ACER2: variants seen among roughly 807,000 people sequenced by gnomAD.
ACER2 encodes the protein alkaline ceramidase 2.
A neutral mutation model predicts 34.7 loss-of-function variants in ACER2; 26 were observed. That is an observed-to-expected ratio of 0.75 (90% CI 0.55 to 1.04). The LOEUF (loss-of-function observed/expected upper bound fraction) is 1.04, where lower values mean the gene tolerates loss of function less well. Among genes scored for constraint, ACER2 ranks in the 50% least tolerant of loss-of-function variants. The probability of loss-of-function intolerance (pLI) is 0.00; values close to 1 mark genes in which losing one functional copy is unlikely to be tolerated. For missense variants in ACER2, 352 were observed against 340.8 expected (o/e 1.03, Z -0.26); for synonymous variants, 138 against 132.1 (o/e 1.04, Z -0.31).
chr9:19,434,839 T>C, intron 3 of ACER2, 108 bp from the exon 4 acceptor site: 1 of 1,434,578 alleles, frequency 7.0e-7, no homozygotes. Flanking sequence ...GCGCAGAATT[T>C]CTTTTCAGCT....
intron 2 of ACER2, chr9:19,424,457 G>T: frequency 1.0e-6 from 1 of 985,364 alleles, no homozygotes; most frequent in Non-Finnish European, 1.2e-6. Context: ...GACAGAATGC[G>T]TTTAACTGTG....
At chr9:19,447,026 TA>T (rs111288625) in intron 5 of ACER2, among the ~76,000 whole-genome samples, 1,990 of 143,304 alleles carry the variant, frequency 0.014, 31 homozygotes, top group African/African-American at 0.039. Flanking sequence ...TACACTAAGT[TA>T]AAAAAAAAAA....
chr9:19,420,398 C>T (rs1271245184), intron 1 of ACER2, among the ~76,000 whole-genome samples: 1 of 152,162 alleles, frequency 6.6e-6, no homozygotes, highest in East Asian at 1.9e-4. Context: ...ATTCGACATA[C>T]TTCTTCTCTG....
intron 4 of ACER2, among the ~76,000 whole-genome samples, chr9:19,438,092 T>A (rs1378675529): frequency 2.0e-5 from 3 of 152,138 alleles, no homozygotes; most frequent in Non-Finnish European, 4.4e-5. Flanking sequence ...GGAGCATGGG[T>A]TATGGGGCTA....
chr9:19,446,712 T>G, intron 5 of ACER2: 1 of 864,884 alleles, frequency 1.2e-6, no homozygotes, highest in Non-Finnish European at 1.4e-6. Context: ...GAACTGAACC[T>G]GTAACCTGAG....
intron 2 of ACER2, among the ~76,000 whole-genome samples, 169 bp downstream of exon 2, chr9:19,424,145 A>G (rs781320363): frequency 9.9e-5 from 15 of 152,186 alleles, no homozygotes; most frequent in Non-Finnish European, 1.8e-4. Context: ...GCTTGATAAC[A>G]AAGTTGGCAT....
intron 2 of ACER2, chr9:19,424,354 C>A: frequency 1.0e-6 from 1 of 984,356 alleles, no homozygotes; most frequent in African/African-American, 1.7e-5. Flanking sequence ...GTGTCATTTC[C>A]ATTTCCTCCC....
At chr9:19,435,965 T>C (rs920189773) in intron 4 of ACER2, among the ~76,000 whole-genome samples, 1 of 151,308 alleles carries the variant, frequency 6.6e-6, no homozygotes, top group Non-Finnish European at 1.5e-5. Context: ...AGGAGAATGG[T>C]GTGAACCCGG....
chr9:19,435,224 A>C, intron 4 of ACER2, 140 bp downstream of exon 4: 1 of 1,142,338 alleles, frequency 8.8e-7, no homozygotes, highest in Non-Finnish European at 1.2e-6. Context: ...GATGGAAGCA[A>C]TTTGATGGTT....
chr9:19,430,413 A>G (rs1830716153), intron 3 of ACER2, among the ~76,000 whole-genome samples: 1 of 152,182 alleles, frequency 6.6e-6, no homozygotes, highest in Non-Finnish European at 1.5e-5. Flanking sequence ...AGAGGCTGTC[A>G]TCAATCACAG....
At chr9:19,420,004 G>A (rs534399553) in intron 1 of ACER2, among the ~76,000 whole-genome samples, 1 of 152,212 alleles carries the variant, frequency 6.6e-6, no homozygotes, top group African/African-American at 2.4e-5. Context: ...TCCCCAGATG[G>A]TGGCAGAGGC....
chr9:19,410,056 C>T (rs1830042879), intron 1 of ACER2: 2 of 614,784 alleles, frequency 3.3e-6, no homozygotes, highest in Non-Finnish European at 4.1e-6. Flanking sequence ...TTTGCGTGGT[C>T]ATTTCTGTGG....
At chr9:19,431,155 T>C (rs1830742963) in intron 3 of ACER2, among the ~76,000 whole-genome samples, 1 of 152,174 alleles carries the variant, frequency 6.6e-6, no homozygotes, top group Non-Finnish European at 1.5e-5. Context: ...GTGGTATTTA[T>C]ATTTAAAATG....
chr9:19,433,168 T>C (rs1311876947), intron 3 of ACER2, among the ~76,000 whole-genome samples: 1 of 147,044 alleles, frequency 6.8e-6, no homozygotes, highest in Non-Finnish European at 1.5e-5. Flanking sequence ...TTTTTTTTTT[T>C]TTTTTATTGA....
At chr9:19,449,044 C>A (rs188992032) in intron 5 of ACER2, among the ~76,000 whole-genome samples, 1 of 152,212 alleles carries the variant, frequency 6.6e-6, no homozygotes, top group East Asian at 1.9e-4. Flanking sequence ...GCAGGAGAAT[C>A]GTTTGAACCT....
rs369508087 is a variant in ACER2, at chr9:19,423,947, A to G, written c.194A>G (p.Tyr65Cys). Residue 65 changes from tyrosine (Y) to cysteine (C), a missense_variant, in exon 2 of 6, where the codon TAC becomes TGC. Tyr to Cys is a radical substitution (Grantham distance 194, BLOSUM62 -2). Transcript: ENST00000340967. ...GCAACATGCTTCAACAGTGGCATCTACTTAATCTGGACTCTTTTGGTTGTA... is the reference window on the plus strand; with the variant it reads ...GCAACATGCTTCAACAGTGGCATCTGCTTAATCTGGACTCTTTTGGTTGTA... ...QYATCFNSGIYLIWTLLVVVG... is the reference protein window; with the variant it reads ...QYATCFNSGICLIWTLLVVVG... 10 of 1,613,952 alleles carry G rather than the reference A, an allele frequency of 6.2e-6. No individual in the cohort carries two copies. Among genetic ancestry groups the G allele is most frequent in the Non-Finnish European group, 8.5e-6 (10 of 1,179,880 alleles).
Position 19,447,589 on chromosome 9 carries a change from T to A in ACER2, c.641+1171T>A, listed in dbSNP as rs139790878. Among the ~76,000 whole-genome samples, 61 of 152,336 alleles carry A rather than the reference T, an allele frequency of 4.0e-4. 1 individual carries two copies. The highest frequency in any genetic ancestry group is 3.1e-3 in the South Asian group (15 of 4,830). ...TTTCCAGATAACAAAATGTACAGAT[T>A]TTAAGTGTATATTGTGAATTTTGAG... is the stretch of plus-strand genomic sequence containing the variant. On this transcript the variant is annotated intron_variant, in intron 5 of 5. Coordinates refer to ENST00000340967, the MANE Select transcript of ACER2 (RefSeq NM_001010887.3).
chr9:19,409,231 G>C (rs1404625462), intron 1 of ACER2, 39 bp downstream of exon 1: 1 of 1,543,216 alleles, frequency 6.5e-7, no homozygotes, highest in Admixed American at 2.0e-5. Flanking sequence ...GCGGGCCAGC[G>C]GGAGGGGGCT....
chr9:19,416,284 G>GTGCACAGTGTGTGA, intron 1 of ACER2, among the ~76,000 whole-genome samples: 1 of 152,234 alleles, frequency 6.6e-6, no homozygotes, highest in East Asian at 1.9e-4. Flanking sequence ...CTGGTCATAT[G>GTGCACAGTGTGTGA]TGCACAGTGT....
Sources: allele counts gnomAD v4.1 joint callset (sites outside exome capture counted in the v4.1 genomes callset), GRCh38; gene constraint gnomAD v4.1.1; transcripts MANE v1.5; gene names NCBI Gene and HGNC (gene_info 2026-07-23, HGNC 2026-07-21).